Variants in SLC15A2 observed in about 807,000 individuals in gnomAD.
SLC15A2 encodes the protein kidney H(+)/peptide cotransporter.
SLC15A2 carries 77 observed loss-of-function variants against 95.5 expected under a neutral mutation model. The ratio of observed to expected loss-of-function variants is 0.81; its 90% CI spans 0.67 to 0.97. The LOEUF (loss-of-function observed/expected upper bound fraction) is 0.97. Among genes scored for constraint, SLC15A2 ranks in the 50% least tolerant of loss-of-function variants. The probability of loss-of-function intolerance (pLI) is 0.00; values close to 1 mark genes in which losing one functional copy is unlikely to be tolerated. For missense variants in SLC15A2, 893 were observed against 874.4 expected, an observed-to-expected ratio of 1.02 and a Z score of -0.27; for synonymous variants, 306 against 306.9, an observed-to-expected ratio of 1.00 and a Z score of 0.03.
intron 19 of SLC15A2, among the ~76,000 whole-genome samples, chr3:121,936,798 C>G (rs1299736484): frequency 1.8e-4 from 25 of 142,138 alleles, no homozygotes; most frequent in Admixed American, 6.4e-4. Context: ...TGAATTTGAT[C>G]CTGTCATTAT....
chr3:121,915,109 T>TAC, intron 5 of SLC15A2, 118 bp from the exon 6 acceptor site: 3 of 1,095,262 alleles, frequency 2.7e-6, no homozygotes, highest in Non-Finnish European at 3.8e-6. Context: ...ATTCAGGTAT[T>TAC]GTGGAGGCAA....
In SLC15A2 at chr3:121,924,940, T is replaced by A. The variant is rs1422839292; in HGVS notation, c.1036-5T>A. On this transcript the variant is annotated splice_region_variant and splice_polypyrimidine_tract_variant and intron_variant, in intron 12 of 21. Transcript: ENST00000489711. Reference sequence around the variant, plus strand: ...TAGCTAATCCTTTTTATCATGGTGTTACAGGTTCTAAATCCCCTTCTGGTT... The same window carrying A: ...TAGCTAATCCTTTTTATCATGGTGTAACAGGTTCTAAATCCCCTTCTGGTT... 1 of 1,593,766 alleles carries A rather than the reference T, an allele frequency of 6.3e-7. No individual in the cohort carries two copies. The highest frequency in any genetic ancestry group is 1.7e-4 in the Middle Eastern group (1 of 6,042).
At chr3:121,911,435 T>C (rs913308671) in intron 3 of SLC15A2, 139 bp from the exon 4 acceptor site, 7 of 618,000 alleles carry the variant, frequency 1.1e-5, no homozygotes, top group Non-Finnish European at 1.7e-5. Flanking sequence ...TCTATTTGGA[T>C]TTCTCAGATA....
intron 3 of SLC15A2, among the ~76,000 whole-genome samples, chr3:121,910,189 TAAC>T (rs1482291134): frequency 2.4e-5 from 3 of 124,634 alleles, no homozygotes; most frequent in Non-Finnish European, 4.9e-5. Context: ...ATTAGTCACC[TAAC>T]TTTTTTTTTT....
intron 13 of SLC15A2, among the ~76,000 whole-genome samples, chr3:121,926,345 T>TA (rs1710121827): frequency 1.3e-5 from 2 of 152,168 alleles, no homozygotes; most frequent in African/African-American, 2.4e-5. Context: ...GTGCTGTCCT[T>TA]ATGATAGTGA....
intron 13 of SLC15A2, 72 bp downstream of exon 13, chr3:121,925,105 A>T: frequency 9.5e-7 from 1 of 1,055,748 alleles, no homozygotes; most frequent in African/African-American, 1.6e-5. Flanking sequence ...AAAAGATTCA[A>T]TGTCAGTATT....
At chr3:121,895,614 G>A (rs536399939) in intron 1 of SLC15A2, among the ~76,000 whole-genome samples, 3 of 152,148 alleles carry the variant, frequency 2.0e-5, no homozygotes, top group Non-Finnish European at 2.9e-5. Context: ...AGATTTGACT[G>A]TACTGAGGAC....
intron 19 of SLC15A2, among the ~76,000 whole-genome samples, chr3:121,934,997 C>G (rs1394923200): frequency 2.0e-5 from 3 of 152,078 alleles, no homozygotes; most frequent in Non-Finnish European, 4.4e-5. Flanking sequence ...TTGTCAAAGG[C>G]CTTTTCTGCA....
chr3:121,897,454 A>G lies in SLC15A2; in HGVS notation c.260A>G (p.His87Arg). ...WNEDTSTSIYHAFSSLCYFTP... is the reference protein window; with the variant it reads ...WNEDTSTSIYRAFSSLCYFTP... ...GAAGATACCTCCACATCTATATACCATGCCTTCAGCAGCCTCTGTTATTTT... is the reference window on the plus strand; with the variant it reads ...GAAGATACCTCCACATCTATATACCGTGCCTTCAGCAGCCTCTGTTATTTT... The change falls in exon 3 of 22, where the codon CAT becomes CGT. Residue 87 changes from histidine (H) to arginine (R), a missense_variant. Physicochemically the swap from His to Arg is conservative, Grantham distance 29. Transcript: ENST00000489711. 6.2e-7 allele frequency: 1 copy of G among 1,613,994 alleles called. No individual in the cohort carries two copies. The highest frequency in any genetic ancestry group is 8.5e-7 in the Non-Finnish European group (1 of 1,180,012).
At chr3:121,895,510 T>A (rs1709399307) in intron 1 of SLC15A2, 1 of 152,216 alleles carries the variant, frequency 6.6e-6, no homozygotes, top group South Asian at 2.1e-4. Flanking sequence ...GCCTATTTTT[T>A]TAGTTAATGA....
At chr3:121,927,542 C>G in intron 13 of SLC15A2, 3 of 461,968 alleles carry the variant, frequency 6.5e-6, no homozygotes. Context: ...CGATGCTTCA[C>G]CAGAAGCTGG....
Position 121,922,215 on chromosome 3 carries a change from T to C in SLC15A2, c.698-5T>C, listed in dbSNP as rs758166478. On this transcript the variant is annotated splice_region_variant and splice_polypyrimidine_tract_variant and intron_variant, in intron 7 of 21. Transcript: ENST00000489711. Reference sequence around the variant, plus strand: ...CTAAGAACCTTGTTTGTGTATCAACTGCAGTTGTGTTTGCAATGGGAAGCA... The same window carrying C: ...CTAAGAACCTTGTTTGTGTATCAACCGCAGTTGTGTTTGCAATGGGAAGCA... 8 of 1,612,382 alleles carry C rather than the reference T, an allele frequency of 5.0e-6. No homozygotes were observed. In the South Asian group the frequency reaches 7.7e-5, roughly 16 times the overall value.
At chr3:121,932,103 C>T (rs1245483554) in intron 19 of SLC15A2, among the ~76,000 whole-genome samples, 1 of 152,036 alleles carries the variant, frequency 6.6e-6, no homozygotes, top group East Asian at 1.9e-4. Flanking sequence ...GGGGTTTTGC[C>T]GTGTTGGCCA....
chr3:121,923,643 G>T (rs1271382873), intron 11 of SLC15A2, among the ~76,000 whole-genome samples: 5 of 152,218 alleles, frequency 3.3e-5, no homozygotes, highest in African/African-American at 9.6e-5. Flanking sequence ...AAGGATCACA[G>T]CAGGGGACCT....
chr3:121,936,329 T>G (rs776403448), intron 19 of SLC15A2, among the ~76,000 whole-genome samples: 1 of 152,186 alleles, frequency 6.6e-6, no homozygotes, highest in Non-Finnish European at 1.5e-5. Context: ...TTGTTGACTT[T>G]CTGTCTCTTT....
Position 121,940,947 on chromosome 3 carries a change from G to A in SLC15A2, c.2130G>A (p.Lys710=). Residue 710 remains lysine (K), a synonymous_variant, in exon 22 of 22, where the codon AAG becomes AAA. Transcript: ENST00000489711. Reference sequence around the variant, plus strand: ...AGGATATGCGGGGTCCAGCAGATAAGCACATTCCTCACATCCAGGGGAACA... The same window carrying A: ...AGGATATGCGGGGTCCAGCAGATAAACACATTCCTCACATCCAGGGGAACA... ...KTEDMRGPAD[K]HIPHIQGNMI... is the part of the protein sequence containing the mutation. 3 of 1,614,158 alleles carry A rather than the reference G, an allele frequency of 1.9e-6. No individual in the cohort carries two copies. The highest frequency in any genetic ancestry group is 2.5e-6 in the Non-Finnish European group (3 of 1,180,002).
At chr3:121,933,525 T>A (rs1405770234) in intron 19 of SLC15A2, among the ~76,000 whole-genome samples, 2 of 152,082 alleles carry the variant, frequency 1.3e-5, no homozygotes, top group Admixed American at 6.5e-5. Context: ...ATGATGAGCA[T>A]TTTTTCACGT....
intron 3 of SLC15A2, among the ~76,000 whole-genome samples, chr3:121,906,893 G>C (rs1709658960): frequency 6.6e-6 from 1 of 152,062 alleles, no homozygotes; most frequent in African/African-American, 2.4e-5. Context: ...TTGAATGTTG[G>C]CCTGCCTTGC....
At chr3:121,923,394 G>A (rs1259744804) in intron 11 of SLC15A2, 128 bp downstream of exon 11, 6 of 876,150 alleles carry the variant, frequency 6.8e-6, no homozygotes, top group African/African-American at 1.7e-5. Flanking sequence ...TTAGCCTGAA[G>A]GTACCGTGTA....
Sources: allele counts gnomAD v4.1 joint callset (sites outside exome capture counted in the v4.1 genomes callset), GRCh38; gene constraint gnomAD v4.1.1; transcripts MANE v1.5; gene names NCBI Gene and HGNC (gene_info 2026-07-23, HGNC 2026-07-21).